NKAIN3: variants seen among roughly 807,000 people sequenced by gnomAD.
NKAIN3 encodes sodium/potassium transporting ATPase interacting 3.
A neutral mutation model predicts 30.2 loss-of-function variants in NKAIN3; 25 were observed. The observed-to-expected ratio is 0.83, with a 90% CI of 0.60 to 1.16. The LOEUF is 1.16. Among genes scored for constraint, NKAIN3 ranks in the 50% most tolerant of loss-of-function variants. The probability of loss-of-function intolerance (pLI) is 0.00; values close to 1 mark genes in which losing one functional copy is unlikely to be tolerated. For synonymous variants in NKAIN3, 91 were observed against 89.6 expected, an observed-to-expected ratio of 1.02 and a Z score of -0.09; for missense variants, 225 against 254.1, an observed-to-expected ratio of 0.89 and a Z score of 0.78.
chr8:62,615,535 A>G (rs984042619), intron 3 of NKAIN3, among the ~76,000 whole-genome samples: 1 of 152,118 alleles, frequency 6.6e-6, no homozygotes, highest in Non-Finnish European at 1.5e-5. Context: ...CTAGTTCAGC[A>G]CTAGAACTCA....
At chr8:62,720,929 C>A (rs1815068438) in intron 3 of NKAIN3, among the ~76,000 whole-genome samples, 2 of 152,196 alleles carry the variant, frequency 1.3e-5, no homozygotes, top group South Asian at 4.1e-4. Context: ...CTTACTTGAA[C>A]TACATGTGGT....
rs374253197 is a variant in NKAIN3, at chr8:62,260,510, C to T, written c.54+11383C>T. ...CAAGAAATCATCTAGAGCCATTGTT[C>T]GCTCCAAAGCAGTTATGTGTGTGAT... On this transcript the variant is annotated intron_variant, in intron 1 of 6. Coordinates refer to ENST00000623646, the MANE Select transcript of NKAIN3 (RefSeq NM_001304533.3). 8.5e-5 allele frequency among the ~76,000 whole-genome samples: 13 copies of T among 152,244 alleles called. No homozygotes were observed. In the East Asian group the frequency reaches 1.7e-3, roughly 20 times the overall value.
intron 1 of NKAIN3, among the ~76,000 whole-genome samples, chr8:62,578,444 T>C (rs2130054733): frequency 6.6e-6 from 1 of 152,252 alleles, no homozygotes; most frequent in Admixed American, 6.5e-5. Flanking sequence ...TTCTTGTAGG[T>C]ATATGATCTC....
intron 3 of NKAIN3, among the ~76,000 whole-genome samples, chr8:62,661,877 G>A (rs1041120097): frequency 3.3e-5 from 5 of 152,088 alleles, no homozygotes; most frequent in African/African-American, 1.2e-4. Context: ...ATGTTCCTGG[G>A]AGCCCAGCAC....
At chr8:62,863,484 C>A (rs1820319097) in intron 4 of NKAIN3, 1 of 1,549,556 alleles carries the variant, frequency 6.5e-7, no homozygotes, top group South Asian at 1.1e-5. Context: ...TGATACTCTT[C>A]AGACAACGTA....
intron 1 of NKAIN3, among the ~76,000 whole-genome samples, chr8:62,297,545 T>A (rs554482247): frequency 7.9e-4 from 120 of 152,076 alleles, no homozygotes; most frequent in Middle Eastern, 3.4e-3. Context: ...AAGAAGACAT[T>A]TATGCAGCCA....
chr8:62,341,046 T>C lies in NKAIN3; in HGVS notation c.54+91919T>C, dbSNP rs566444763. Among the ~76,000 whole-genome samples, 13 of 152,186 alleles carry C rather than the reference T, an allele frequency of 8.5e-5. No individual in the cohort carries two copies. The South Asian group carries it at 2.7e-3, about 32-fold the overall frequency. ...ATTTTAACTACATGCTTCAGTGTTA[T>C]TAGATTACCCTTGGAAACACTCAGC... On this transcript the variant is annotated intron_variant, in intron 1 of 6. Transcript: ENST00000623646.
At chr8:62,320,838 CT>C (rs1477672260) in intron 1 of NKAIN3, among the ~76,000 whole-genome samples, 1 of 152,070 alleles carries the variant, frequency 6.6e-6, no homozygotes, top group Non-Finnish European at 1.5e-5. Flanking sequence ...AAGGAGTATC[CT>C]TGTGGCATTC....
At chr8:62,517,661 T>C (rs1414704936) in intron 1 of NKAIN3, among the ~76,000 whole-genome samples, 1 of 151,960 alleles carries the variant, frequency 6.6e-6, no homozygotes, top group East Asian at 1.9e-4. Flanking sequence ...CACCCCACAA[T>C]GTGTATGATC....
intron 3 of NKAIN3, among the ~76,000 whole-genome samples, chr8:62,603,608 C>G (rs1389131370): frequency 6.6e-6 from 1 of 152,044 alleles, no homozygotes; most frequent in Non-Finnish European, 1.5e-5. Flanking sequence ...TGTCTCTGAG[C>G]CCCATGCTAT....
At chr8:62,420,768 G>A (rs376167762) in intron 1 of NKAIN3, among the ~76,000 whole-genome samples, 194 of 152,130 alleles carry the variant, frequency 1.3e-3, no homozygotes, top group African/African-American at 4.6e-3. Context: ...ATGAAAATAA[G>A]AATTAGATCA....
intron 3 of NKAIN3, among the ~76,000 whole-genome samples, chr8:62,616,354 C>T (rs941109846): frequency 3.3e-5 from 5 of 152,104 alleles, no homozygotes; most frequent in Non-Finnish European, 7.4e-5. Context: ...GGGGTTCTCT[C>T]GACCACTCCT....
intron 4 of NKAIN3, among the ~76,000 whole-genome samples, chr8:62,897,718 A>G (rs1269794978): frequency 1.3e-5 from 2 of 152,152 alleles, no homozygotes; most frequent in Non-Finnish European, 2.9e-5. Context: ...CCTCATGAAT[A>G]GACTAATGCT....
chr8:62,956,208 C>A (rs566301810), intron 6 of NKAIN3, among the ~76,000 whole-genome samples: 1 of 152,292 alleles, frequency 6.6e-6, no homozygotes, highest in Non-Finnish European at 1.5e-5. Flanking sequence ...GATGCCATAT[C>A]ACTACCCAGC....
intron 1 of NKAIN3, among the ~76,000 whole-genome samples, chr8:62,442,493 A>G (rs1340119202): frequency 6.6e-6 from 1 of 152,026 alleles, no homozygotes; most frequent in African/African-American, 2.4e-5. Context: ...ACTGAAAAAT[A>G]AGTATTAACA....
At chr8:62,616,869 A>G (rs1326301208) in intron 3 of NKAIN3, among the ~76,000 whole-genome samples, 1 of 152,172 alleles carries the variant, frequency 6.6e-6, no homozygotes, top group East Asian at 1.9e-4. Context: ...TCCAAATCTC[A>G]TGGTGAAATG....
chr8:62,730,850 A>G (rs1009636252), intron 3 of NKAIN3, among the ~76,000 whole-genome samples: 1 of 152,188 alleles, frequency 6.6e-6, no homozygotes, highest in South Asian at 2.1e-4. Flanking sequence ...TGTTTTAACT[A>G]TTAACAATTG....
chr8:62,603,621 T>C (rs1811044351), intron 3 of NKAIN3, among the ~76,000 whole-genome samples: 1 of 152,146 alleles, frequency 6.6e-6, no homozygotes, highest in Admixed American at 6.6e-5. Context: ...CATGCTATAA[T>C]GGCATGAGGA....
chr8:62,448,337 G>A lies in NKAIN3; in HGVS notation c.55-131202G>A, dbSNP rs543815837. The stretch of plus-strand genomic sequence containing the variant: ...ACAAATAAGGGAGTACCAATATTAC[G>A]GAAAACTTTTAGTTTTCAGTAATTT... On this transcript the variant is annotated intron_variant, in intron 1 of 6. Coordinates refer to ENST00000623646, the MANE Select transcript of NKAIN3 (RefSeq NM_001304533.3). Among the ~76,000 whole-genome samples, 692 of 151,430 alleles carry A rather than the reference G, an allele frequency of 4.6e-3. 6 individuals carry two copies. Among genetic ancestry groups the A allele is most frequent in the African/African-American group, 0.016 (650 of 41,408 alleles).
Sources: gnomAD v4.1 joint callset for allele counts (sites outside exome capture counted in the v4.1 genomes callset) on GRCh38, gnomAD v4.1.1 for gene constraint, MANE v1.5 for transcripts, NCBI Gene and HGNC (gene_info 2026-07-23, HGNC 2026-07-21) for gene names.